Variants in PRKCE observed in about 807,000 individuals in gnomAD.
The protein encoded by PRKCE is protein kinase C epsilon type.
In PRKCE, 16 loss-of-function variants were observed where a neutral mutation model predicts 85.4. The observed-to-expected ratio is 0.19, with a 90% CI of 0.13 to 0.28. The LOEUF (loss-of-function observed/expected upper bound fraction) is 0.28, where lower values mean the gene tolerates loss of function less well. Among genes scored for constraint, PRKCE ranks in the 10% least tolerant of loss-of-function variants. The probability of loss-of-function intolerance (pLI) is 1.00; values close to 1 mark genes in which losing one functional copy is unlikely to be tolerated. For synonymous variants in PRKCE, 388 were observed against 371.5 expected (o/e 1.04, Z -0.51); for missense variants, 573 against 975.2 (o/e 0.59, Z 5.49).
chr2:45,950,244 T>G (rs1700532553), intron 2 of PRKCE, among the ~76,000 whole-genome samples: 1 of 152,196 alleles, frequency 6.6e-6, no homozygotes, highest in Non-Finnish European at 1.5e-5. Flanking sequence ...TGTTTTTACC[T>G]TTACTGAAAA....
intron 10 of PRKCE, among the ~76,000 whole-genome samples, chr2:46,055,273 G>A (rs1043217538): frequency 2.0e-5 from 3 of 152,184 alleles, no homozygotes; most frequent in African/African-American, 4.8e-5. Context: ...TCCTGCTGGC[G>A]ACCAAAAGTG....
chr2:46,154,794 G>T (rs1284443051), intron 13 of PRKCE, among the ~76,000 whole-genome samples: 2 of 143,342 alleles, frequency 1.4e-5, no homozygotes, highest in Non-Finnish European at 3.0e-5. Flanking sequence ...CCTTTATCCT[G>T]CTCAGTTGAT....
intron 10 of PRKCE, among the ~76,000 whole-genome samples, chr2:46,053,699 T>G (rs1188291754): frequency 6.6e-6 from 1 of 152,244 alleles, no homozygotes; most frequent in Non-Finnish European, 1.5e-5. Flanking sequence ...ATCTTAAGGC[T>G]GAATAATACT....
At chr2:46,046,858 C>G (rs1454572431) in intron 10 of PRKCE, among the ~76,000 whole-genome samples, 2 of 152,204 alleles carry the variant, frequency 1.3e-5, no homozygotes, top group Non-Finnish European at 2.9e-5. Context: ...ACTTCACATT[C>G]TCTGTTTATT....
chr2:46,178,738 G>T (rs1679682402), intron 14 of PRKCE, among the ~76,000 whole-genome samples: 1 of 152,184 alleles, frequency 6.6e-6, no homozygotes, highest in South Asian at 2.1e-4. Flanking sequence ...TTGGGATTTG[G>T]CTGTTATAGT....
At chr2:46,171,240 C>T (rs563401065) in intron 14 of PRKCE, among the ~76,000 whole-genome samples, 1 of 152,176 alleles carries the variant, frequency 6.6e-6, no homozygotes, top group Non-Finnish European at 1.5e-5. Context: ...GCTCTTTATT[C>T]CTGGATAGCC....
At chr2:46,045,220 A>G (rs1464845837) in intron 10 of PRKCE, among the ~76,000 whole-genome samples, 1 of 152,234 alleles carries the variant, frequency 6.6e-6, no homozygotes, top group Non-Finnish European at 1.5e-5. Context: ...ATGTGTATGT[A>G]CACATATATA....
intron 14 of PRKCE, among the ~76,000 whole-genome samples, chr2:46,172,559 C>T (rs1402833140): frequency 1.3e-5 from 2 of 152,208 alleles, no homozygotes; most frequent in Non-Finnish European, 2.9e-5. Context: ...CAGAACTGCC[C>T]AGAAATGCCT....
chr2:45,699,455 C>T (rs1335485233), intron 1 of PRKCE, among the ~76,000 whole-genome samples: 1 of 152,066 alleles, frequency 6.6e-6, no homozygotes, highest in African/African-American at 2.4e-5. Flanking sequence ...AATGAGTTAA[C>T]CATGAGTTAC....
At position 45,992,236 on chromosome 2, in the gene PRKCE, G is replaced by A. The variant is rs530667460; in HGVS notation, c.823+7556G>A. Among the ~76,000 whole-genome samples the A allele has an allele frequency of 6.0e-4, 92 of 152,246 alleles. 1 individual carries two copies. The highest frequency in any genetic ancestry group is 2.2e-3 in the African/African-American group (90 of 41,552). On this transcript the variant is annotated intron_variant, in intron 6 of 14. Coordinates refer to ENST00000306156, the MANE Select transcript of PRKCE (RefSeq NM_005400.3). The stretch of plus-strand genomic sequence containing the variant: ...TGCAGTAACATCCACAATGCCTGGG[G>A]ACCATGAGAATGTCCCCTGTACACG...
In PRKCE at chr2:46,152,775, C is replaced by T. The variant is rs143392882; in HGVS notation, c.1920+1546C>T. On this transcript the variant is annotated intron_variant, in intron 13 of 14. Transcript: ENST00000306156. ...TGTTGGCCAGGCTGGTTCCGAACTC[C>T]TGACCTCATGATCCACCCACCTCGG... Among the ~76,000 whole-genome samples, 882 of 152,062 alleles carry T rather than the reference C, an allele frequency of 5.8e-3. 4 individuals carry two copies. The highest frequency in any genetic ancestry group is 8.7e-3 in the Non-Finnish European group (590 of 67,978).
intron 7 of PRKCE, among the ~76,000 whole-genome samples, chr2:46,002,669 T>C (rs1704798458): frequency 6.6e-6 from 1 of 152,238 alleles, no homozygotes; most frequent in African/African-American, 2.4e-5. Flanking sequence ...TTGGTGGCTC[T>C]TCTCAGCTTT....
intron 1 of PRKCE, among the ~76,000 whole-genome samples, chr2:45,767,622 C>A (rs1467649783): frequency 6.6e-6 from 1 of 152,198 alleles, no homozygotes. Context: ...TAAGTTTTCT[C>A]CAATTATTGC....
chr2:45,947,688 A>C (rs1700333093), intron 2 of PRKCE, among the ~76,000 whole-genome samples: 1 of 152,134 alleles, frequency 6.6e-6, no homozygotes, highest in African/African-American at 2.4e-5. Context: ...AGTCCTTATA[A>C]TTCTGTCAGT....
chr2:45,937,639 C>T (rs1025169814), intron 2 of PRKCE, among the ~76,000 whole-genome samples: 1 of 151,966 alleles, frequency 6.6e-6, no homozygotes, highest in Non-Finnish European at 1.5e-5. Flanking sequence ...GGTGTGAACC[C>T]AGGAGGTGGA....
chr2:46,047,842 A>T (rs767557989), intron 10 of PRKCE, among the ~76,000 whole-genome samples: 17 of 152,274 alleles, frequency 1.1e-4, no homozygotes, highest in Non-Finnish European at 2.2e-4. Context: ...TCCACTGCTT[A>T]CTAACCTTTG....
intron 1 of PRKCE, among the ~76,000 whole-genome samples, chr2:45,670,688 T>G (rs1414460423): frequency 6.6e-6 from 1 of 152,136 alleles, no homozygotes; most frequent in Non-Finnish European, 1.5e-5. Context: ...AAACTTACAT[T>G]TTACTAACCC....
At chr2:45,799,590 A>T (rs1323042309) in intron 1 of PRKCE, among the ~76,000 whole-genome samples, 1 of 152,228 alleles carries the variant, frequency 6.6e-6, no homozygotes, top group Non-Finnish European at 1.5e-5. Flanking sequence ...TTTTTAAAAA[A>T]TTAAAATTAT....
chr2:45,992,980 G>A (rs1235391986), intron 6 of PRKCE, among the ~76,000 whole-genome samples: 1 of 152,196 alleles, frequency 6.6e-6, no homozygotes, highest in Non-Finnish European at 1.5e-5. Context: ...AAGAGCCCCT[G>A]GCAAAGCAGA....
Sources: gnomAD v4.1 joint callset for allele counts (sites outside exome capture counted in the v4.1 genomes callset) on GRCh38, gnomAD v4.1.1 for gene constraint, MANE v1.5 for transcripts, NCBI Gene and HGNC (gene_info 2026-07-23, HGNC 2026-07-21) for gene names.